Variants in DERA observed in about 807,000 individuals in gnomAD.
The protein encoded by DERA is deoxyribose-phosphate aldolase, also known as 2-deoxy-D-ribose 5-phosphate aldolase.
A neutral mutation model predicts 41.1 loss-of-function variants in DERA; 15 were observed. That is an observed-to-expected ratio of 0.37 (90% confidence interval 0.24 to 0.56). The LOEUF (loss-of-function observed/expected upper bound fraction) is 0.56. Among genes scored for constraint, DERA ranks in the 20% least tolerant of loss-of-function variants. DERA has a pLI of 0.81. For synonymous variants in DERA, 139 were observed against 137.4 expected (o/e 1.01, Z -0.08); for missense variants, 396 against 403.4 (o/e 0.98, Z 0.16).
intron 1 of DERA, among the ~76,000 whole-genome samples, chr12:15,925,822 C>CTTTT (rs35956433): frequency 6.4e-4 from 61 of 95,268 alleles, no homozygotes; most frequent in Non-Finnish European, 8.3e-4. Context: ...ACTCCTGAGG[C>CTTTT]TTTTTTTTTT....
rs1465912581 is a variant in DERA, at chr12:15,935,587, GATTT to G, written c.32-21340_32-21337del. Among the ~76,000 whole-genome samples, 2 of 152,060 alleles carry G rather than the reference GATTT, an allele frequency of 1.3e-5. No homozygotes were observed. Among genetic ancestry groups the G allele is most frequent in the African/African-American group, 4.8e-5 (2 of 41,416 alleles). On this transcript the variant is annotated intron_variant, in intron 1 of 8. Transcript: ENST00000428559. This position sits in a 1 kb window ranked among gnomAD's most constrained non-coding sequence, Gnocchi z 4.8. ...ATCTGTACCAGTTTCAGTGTAATTT[GATTT>G]ATTTATTTTTATTAGTGGGATTTTA...
chr12:15,988,853 C>A lies in DERA; in HGVS notation c.637+6417C>A, dbSNP rs891008879. 6.6e-6 allele frequency among the ~76,000 whole-genome samples: 1 copy of A among 152,244 alleles called. No individual in the cohort carries two copies. The highest frequency in any genetic ancestry group is 1.5e-5 in the Non-Finnish European group (1 of 68,038). ...ACCCACACCAAGCTGCCCTCAGCCC[C>A]TTGGCCTTTCTCCTATGCTTGTTGT... On this transcript the variant is annotated intron_variant, in intron 6 of 8. Coordinates refer to ENST00000428559, the MANE Select transcript of DERA (RefSeq NM_015954.4). The surrounding 1 kb of genome is among the most constrained non-coding windows in gnomAD (Gnocchi z 6.0).
rs1948933663 is a variant in DERA, at chr12:16,009,467, C to A, written c.638-23075C>A. Among the ~76,000 whole-genome samples the A allele has an allele frequency of 6.6e-6, 1 of 152,118 alleles. No individual in the cohort carries two copies. Among genetic ancestry groups the A allele is most frequent in the Non-Finnish European group, 1.5e-5 (1 of 68,014 alleles). On this transcript the variant is annotated intron_variant, in intron 6 of 8. Coordinates refer to ENST00000428559, the MANE Select transcript of DERA (RefSeq NM_015954.4). This position sits in a 1 kb window ranked among gnomAD's most constrained non-coding sequence, Gnocchi z 5.3. The stretch of plus-strand genomic sequence containing the variant: ...AATTGGGCCAAGTCAACCCAGAAAA[C>A]CTCTTCTCAAGAGTAAATTTATGAT...
rs1420074512 is a variant in DERA at position 15,967,165 on chromosome 12, C to T, written c.508+4218C>T. On this transcript the variant is annotated intron_variant, in intron 5 of 8. Transcript: ENST00000428559. The surrounding 1 kb of genome is among the most constrained non-coding windows in gnomAD (Gnocchi z 4.9). ...AGGAGTTCAAGACCAGTCTGGGCAACATGGCAAAACCCCATCTCTGCATAA... is the reference window on the plus strand; with the variant it reads ...AGGAGTTCAAGACCAGTCTGGGCAATATGGCAAAACCCCATCTCTGCATAA... Among the ~76,000 whole-genome samples, 1 of 151,306 alleles carries T rather than the reference C, an allele frequency of 6.6e-6. No homozygotes were observed. Among genetic ancestry groups the T allele is most frequent in the Non-Finnish European group, 1.5e-5 (1 of 67,888 alleles).
Position 15,990,769 on chromosome 12 carries a change from A to G in DERA, c.637+8333A>G, listed in dbSNP as rs999966069. ...CCTCCAGCTCCATCCATGTCCCTGC[A>G]AAGGATATGATCTCATTCTTTTTTT... On this transcript the variant is annotated intron_variant, in intron 6 of 8. Coordinates refer to ENST00000428559, the MANE Select transcript of DERA (RefSeq NM_015954.4). The surrounding 1 kb of genome is among the most constrained non-coding windows in gnomAD (Gnocchi z 4.3). Among the ~76,000 whole-genome samples, 5 of 152,178 alleles carry G rather than the reference A, an allele frequency of 3.3e-5. No homozygotes were observed. The highest frequency in any genetic ancestry group is 1.2e-4 in the African/African-American group (5 of 41,436).
At position 15,970,356 on chromosome 12, in the gene DERA, A is replaced by C. The variant is rs1351862323; in HGVS notation, c.508+7409A>C. The stretch of plus-strand genomic sequence containing the variant: ...ACTTTATGACTTTTAGATAGGAAAC[A>C]GTCTTTAAACGCTTGGATTCTTACT... On this transcript the variant is annotated intron_variant, in intron 5 of 8. Transcript: ENST00000428559. The surrounding 1 kb of genome is among the most constrained non-coding windows in gnomAD (Gnocchi z 4.3). Among the ~76,000 whole-genome samples, 1 of 152,190 alleles carries C rather than the reference A, an allele frequency of 6.6e-6. No individual in the cohort carries two copies. Among genetic ancestry groups the C allele is most frequent in the Non-Finnish European group, 1.5e-5 (1 of 68,028 alleles).
In DERA at chr12:16,003,470, G is replaced by C. The variant is rs1290315222; in HGVS notation, c.637+21034G>C. 6.6e-6 allele frequency among the ~76,000 whole-genome samples: 1 copy of C among 152,156 alleles called. No homozygotes were observed. The highest frequency in any genetic ancestry group is 2.4e-5 in the African/African-American group (1 of 41,434). ...GAGGAAAGCAAAACTGGAGTTCAGA[G>C]AGAATCTTTTTGGCTCATTTTGCTT... On this transcript the variant is annotated intron_variant, in intron 6 of 8. Transcript: ENST00000428559. The surrounding 1 kb of genome is among the most constrained non-coding windows in gnomAD (Gnocchi z 4.8).
chr12:15,946,567 T>C (rs2136139630), intron 1 of DERA, among the ~76,000 whole-genome samples: 1 of 152,306 alleles, frequency 6.6e-6, no homozygotes, highest in Middle Eastern at 3.4e-3. Flanking sequence ...GTGGGATTGG[T>C]GGTGATATCC....
chr12:15,969,612 AT>A (rs1179222906), intron 5 of DERA, among the ~76,000 whole-genome samples: 1 of 152,214 alleles, frequency 6.6e-6, no homozygotes, highest in African/African-American at 2.4e-5. Context: ...TACATACATC[AT>A]GGCTATCAAA....
chr12:15,972,927 C>G lies in DERA; in HGVS notation c.509-9381C>G, dbSNP rs745892256. On this transcript the variant is annotated intron_variant, in intron 5 of 8. Coordinates refer to ENST00000428559, the MANE Select transcript of DERA (RefSeq NM_015954.4). This position sits in a 1 kb window ranked among gnomAD's most constrained non-coding sequence, Gnocchi z 4.4. ...GCAGAAGGTAGGGCCAGTTGTCAAC[C>G]TGATTTGGATGCTGTTTCAAACATG... 1.6e-4 allele frequency among the ~76,000 whole-genome samples: 25 copies of G among 152,170 alleles called. No homozygotes were observed. Among genetic ancestry groups the G allele is most frequent in the Non-Finnish European group, 3.4e-4 (23 of 68,034 alleles).
Position 15,922,215 on chromosome 12 carries a change from T to C in DERA, c.31+10801T>C, listed in dbSNP as rs564898059. Among the ~76,000 whole-genome samples the C allele has an allele frequency of 1.3e-5, 2 of 152,334 alleles. No homozygotes were observed. Among genetic ancestry groups the C allele is most frequent in the Admixed American group, 1.3e-4 (2 of 15,304 alleles). Reference sequence around the variant, plus strand: ...ATCCCCGGGGAAGTACGCTGCCTTATTCTTGTCAAGGAAAGCAAACTGTGG... The same window carrying C: ...ATCCCCGGGGAAGTACGCTGCCTTACTCTTGTCAAGGAAAGCAAACTGTGG... On this transcript the variant is annotated intron_variant, in intron 1 of 8. Transcript: ENST00000428559. This position sits in a 1 kb window ranked among gnomAD's most constrained non-coding sequence, Gnocchi z 4.9.
chr12:16,024,204 G>A (rs1351712790), intron 6 of DERA, among the ~76,000 whole-genome samples: 3 of 152,172 alleles, frequency 2.0e-5, no homozygotes, highest in Non-Finnish European at 2.9e-5. Flanking sequence ...TGGAATACTA[G>A]AAGACGAAAG....
Position 15,999,924 on chromosome 12 carries a change from A to T in DERA, c.637+17488A>T, listed in dbSNP as rs890796538. Among the ~76,000 whole-genome samples, 1 of 152,158 alleles carries T rather than the reference A, an allele frequency of 6.6e-6. No homozygotes were observed. Among genetic ancestry groups the T allele is most frequent in the Admixed American group, 6.5e-5 (1 of 15,278 alleles). ...ATTTTAGGGACATAACCTTTGGGCA[A>T]TGTGTTTAGGCTGGAGACAGGAAGG... On this transcript the variant is annotated intron_variant, in intron 6 of 8. Coordinates refer to ENST00000428559, the MANE Select transcript of DERA (RefSeq NM_015954.4). The surrounding 1 kb of genome is among the most constrained non-coding windows in gnomAD (Gnocchi z 5.3).
At chr12:15,951,014 A>AT (rs1483243254) in intron 1 of DERA, among the ~76,000 whole-genome samples, 6 of 152,178 alleles carry the variant, frequency 3.9e-5, no homozygotes, top group Non-Finnish European at 7.3e-5. Context: ...TATCTTGTGT[A>AT]AGTCTTGACT....
chr12:15,926,376 G>T (rs1463910558), intron 1 of DERA, among the ~76,000 whole-genome samples: 1 of 152,076 alleles, frequency 6.6e-6, no homozygotes, highest in East Asian at 1.9e-4. Flanking sequence ...CTGTGATCAG[G>T]CTCTCATTCG....
At chr12:16,002,179 T>C (rs903745477) in intron 6 of DERA, among the ~76,000 whole-genome samples, 2 of 135,394 alleles carry the variant, frequency 1.5e-5, no homozygotes, top group Admixed American at 1.6e-4. Flanking sequence ...TTCCCCTTCC[T>C]ATGTCCATGT....
At chr12:15,968,476 G>A (rs1030816485) in intron 5 of DERA, among the ~76,000 whole-genome samples, 1 of 152,214 alleles carries the variant, frequency 6.6e-6, no homozygotes, top group Non-Finnish European at 1.5e-5. Flanking sequence ...CGGCCAGGCA[G>A]CCAGGCCACC....
chr12:15,930,832 A>G (rs2136130187), intron 1 of DERA, among the ~76,000 whole-genome samples: 1 of 152,234 alleles, frequency 6.6e-6, no homozygotes, highest in South Asian at 2.1e-4. Flanking sequence ...ATTACCTTAA[A>G]TTCATGGTAA....
At chr12:15,953,452 AAAT>A (rs976047099) in intron 1 of DERA, among the ~76,000 whole-genome samples, 4 of 152,138 alleles carry the variant, frequency 2.6e-5, no homozygotes, top group African/African-American at 9.7e-5. Context: ...CTTGAACCAG[AAAT>A]AATAATAATA....
Sources: allele counts gnomAD v4.1 joint callset (sites outside exome capture counted in the v4.1 genomes callset), GRCh38; gene constraint gnomAD v4.1.1; non-coding constraint Gnocchi (gnomAD v3.1); transcripts MANE v1.5; gene names NCBI Gene and HGNC (gene_info 2026-07-23, HGNC 2026-07-21).